KANSL1: variants seen among roughly 807,000 people sequenced by gnomAD.
The protein encoded by KANSL1 is MLL1/MLL complex subunit KANSL1.
A neutral mutation model predicts 103.6 loss-of-function variants in KANSL1; 22 were observed. The observed-to-expected ratio is 0.21, with a 90% confidence interval of 0.15 to 0.30. The LOEUF (loss-of-function observed/expected upper bound fraction) is 0.30, where lower values mean the gene tolerates loss of function less well. KANSL1 is among the 10% of genes least tolerant of loss of function. The pLI, the probability that KANSL1 is intolerant of heterozygous loss-of-function variation, is 1.00. For missense variants in KANSL1, 1,337 were observed against 1,399.8 expected (o/e 0.96, Z 0.72); for synonymous variants, 600 against 527.6 (o/e 1.14, Z -1.88).
chr17:46,119,326 T>G (rs1391767047), intron 2 of KANSL1, among the ~76,000 whole-genome samples: 1 of 109,808 alleles, frequency 9.1e-6, no homozygotes, highest in Non-Finnish European at 2.4e-5. Context: ...TCTTTTTCTT[T>G]TTTTTTTTTT....
intron 1 of KANSL1, among the ~76,000 whole-genome samples, chr17:46,182,618 G>A (rs2046844149): frequency 6.6e-6 from 1 of 152,212 alleles, no homozygotes; most frequent in African/African-American, 2.4e-5. Context: ...TACAAATGTT[G>A]TTCACTAACA....
At chr17:46,111,119 G>A (rs1038024400) in intron 2 of KANSL1, among the ~76,000 whole-genome samples, 6 of 152,138 alleles carry the variant, frequency 3.9e-5, no homozygotes, top group Admixed American at 3.3e-4. Context: ...TTTCTTAAGC[G>A]GTTTTAAAGA....
At chr17:46,115,383 G>A (rs974782235) in intron 2 of KANSL1, among the ~76,000 whole-genome samples, 2 of 151,950 alleles carry the variant, frequency 1.3e-5, no homozygotes, top group Non-Finnish European at 2.9e-5. Context: ...TTTTTAAAGA[G>A]CAAAAAGAAA....
intron 1 of KANSL1, among the ~76,000 whole-genome samples, chr17:46,216,279 T>C (rs1203199043): frequency 6.6e-6 from 1 of 152,148 alleles, no homozygotes; most frequent in Non-Finnish European, 1.5e-5. Flanking sequence ...CAAATACTAA[T>C]GTTTTTAGGA....
intron 1 of KANSL1, among the ~76,000 whole-genome samples, chr17:46,210,204 G>A (rs1240229970): frequency 6.6e-6 from 1 of 152,210 alleles, no homozygotes; most frequent in Non-Finnish European, 1.5e-5. Context: ...CTGGGTGACG[G>A]TGGCTCATGC....
At chr17:46,085,563 C>T (rs1271782101) in intron 3 of KANSL1, among the ~76,000 whole-genome samples, 5 of 152,184 alleles carry the variant, frequency 3.3e-5, no homozygotes, top group Non-Finnish European at 7.3e-5. Flanking sequence ...GGTCACGAAT[C>T]ACTGTAACCT....
chr17:46,192,385 T>C (rs1290581222), intron 1 of KANSL1: 1 of 151,246 alleles, frequency 6.6e-6, no homozygotes, highest in African/African-American at 2.4e-5. Context: ...GCAACAAAAA[T>C]AATAAATGAA....
chr17:46,095,039 CAACT>C (rs1170734867), intron 2 of KANSL1, among the ~76,000 whole-genome samples: 1 of 152,080 alleles, frequency 6.6e-6, no homozygotes, highest in Non-Finnish European at 1.5e-5. Flanking sequence ...ACAGGAAATC[CAACT>C]GACACTAAGA....
intron 1 of KANSL1, among the ~76,000 whole-genome samples, chr17:46,186,031 G>C (rs570212855): frequency 7.2e-5 from 11 of 152,156 alleles, no homozygotes; most frequent in African/African-American, 2.2e-4. Context: ...AATGGTTGGT[G>C]TAAGTGCTCC....
chr17:46,039,564 A>T, intron 8 of KANSL1, 138 bp downstream of exon 8: 1 of 876,302 alleles, frequency 1.1e-6, no homozygotes, highest in Non-Finnish European at 1.7e-6. Flanking sequence ...AAGCAGAAGC[A>T]GTCACTGTGA....
intron 1 of KANSL1, among the ~76,000 whole-genome samples, chr17:46,201,179 T>C (rs1386538868): frequency 4.6e-5 from 7 of 152,238 alleles, no homozygotes; most frequent in African/African-American, 1.4e-4. Context: ...CCCAAAGTAC[T>C]GGGATTACAG....
At chr17:46,057,313 A>G (rs1374173089) in intron 6 of KANSL1, among the ~76,000 whole-genome samples, 1 of 152,206 alleles carries the variant, frequency 6.6e-6, no homozygotes, top group African/African-American at 2.4e-5. Context: ...CTTAGAGGAT[A>G]GTAGAAAACT....
At chr17:46,120,485 G>A (rs979496086) in intron 2 of KANSL1, among the ~76,000 whole-genome samples, 11 of 152,270 alleles carry the variant, frequency 7.2e-5, no homozygotes, top group African/African-American at 2.6e-4. Flanking sequence ...TATATGCTTG[G>A]TATGAAATTA....
At chr17:46,206,130 T>C (rs1234098266) in intron 1 of KANSL1, among the ~76,000 whole-genome samples, 5 of 146,546 alleles carry the variant, frequency 3.4e-5, no homozygotes, top group Non-Finnish European at 7.4e-5. Context: ...TGTTCATGGA[T>C]GAGAATGGAT....
upstream of KANSL1, chr17:46,224,603 C>T (rs1168555846): frequency 1.4e-5 from 2 of 145,542 alleles, no homozygotes; most frequent in Admixed American, 7.3e-5. Flanking sequence ...GTCACTGAGG[C>T]TTCGAAGACT....
chr17:46,064,925 A>G (rs2078320294), intron 6 of KANSL1, among the ~76,000 whole-genome samples: 2 of 151,912 alleles, frequency 1.3e-5, no homozygotes, highest in Admixed American at 6.6e-5. Context: ...GTACATGTGC[A>G]CAACGTGCAG....
At chr17:46,191,140 A>T (rs1010461751) in intron 1 of KANSL1, among the ~76,000 whole-genome samples, 6 of 152,264 alleles carry the variant, frequency 3.9e-5, no homozygotes, top group Non-Finnish European at 8.8e-5. Flanking sequence ...ATAAAATAGG[A>T]GTTTACCCAA....
chr17:46,039,645 A>G, intron 8 of KANSL1, 57 bp downstream of exon 8: 2 of 1,548,164 alleles, frequency 1.3e-6, no homozygotes, highest in South Asian at 2.4e-5. Flanking sequence ...TTGAGAATAT[A>G]AAAGGAATGA....
intron 4 of KANSL1, among the ~76,000 whole-genome samples, chr17:46,080,520 G>A (rs1222481388): frequency 1.3e-5 from 2 of 151,172 alleles, no homozygotes; most frequent in Non-Finnish European, 2.9e-5. Context: ...AAAAACCTGG[G>A]GAACAAACAA....
Sources: allele counts gnomAD v4.1 joint callset (sites outside exome capture counted in the v4.1 genomes callset), GRCh38; gene constraint gnomAD v4.1.1; transcripts MANE v1.5; gene names NCBI Gene and HGNC (gene_info 2026-07-23, HGNC 2026-07-21).